TMEM132B: variants seen among roughly 807,000 people sequenced by gnomAD.
TMEM132B encodes the protein transmembrane protein 132B.
Under a neutral mutation model 90.8 loss-of-function variants are expected in TMEM132B, and 18 were observed. That is an observed-to-expected ratio of 0.20 (90% CI 0.14 to 0.29). The LOEUF is 0.29. Ranked by LOEUF, TMEM132B falls within the 10% of genes least tolerant of loss-of-function variation. TMEM132B has a pLI of 1.00. For missense variants in TMEM132B, 1,096 were observed against 1,326.8 expected (o/e 0.83, Z 2.70); for synonymous variants, 504 against 523.3 (o/e 0.96, Z 0.50).
intron 3 of TMEM132B, among the ~76,000 whole-genome samples, chr12:125,481,588 C>T (rs1344300341): frequency 6.6e-6 from 1 of 152,102 alleles, no homozygotes; most frequent in Non-Finnish European, 1.5e-5. Context: ...AACCACTGCT[C>T]AACGAAATAA....
rs1391541379 is a variant in TMEM132B at position 125,549,248 on chromosome 12, A to G, written c.1293+29623A>G. On this transcript the variant is annotated intron_variant, in intron 4 of 8. Transcript: ENST00000682704. ...ACAGCCACTAAGCATTTATCAGGTTAATCTCCTTTGTTAATGAAGAAGGCT... is the reference window on the plus strand; with the variant it reads ...ACAGCCACTAAGCATTTATCAGGTTGATCTCCTTTGTTAATGAAGAAGGCT... Among the ~76,000 whole-genome samples the G allele has an allele frequency of 2.0e-5, 3 of 152,162 alleles. No homozygotes were observed. In the South Asian group the frequency reaches 6.2e-4, roughly 32 times the overall value.
intron 1 of TMEM132B, chr12:125,301,660 C>G (rs547365800): frequency 6.7e-6 from 1 of 149,538 alleles, no homozygotes; most frequent in African/African-American, 2.5e-5. Flanking sequence ...AGGTGGATCA[C>G]GAGGTCAGGA....
At chr12:125,253,680 T>C (rs925034328) in intron 1 of TMEM132B, among the ~76,000 whole-genome samples, 1 of 152,152 alleles carries the variant, frequency 6.6e-6, no homozygotes, top group Non-Finnish European at 1.5e-5. Flanking sequence ...GTGGTTCTCC[T>C]GCCTCAGCCT....
chr12:125,563,809 A>G (rs530543179), intron 4 of TMEM132B, among the ~76,000 whole-genome samples: 3 of 152,314 alleles, frequency 2.0e-5, no homozygotes, highest in South Asian at 2.1e-4. Context: ...GAAGAAGGCC[A>G]TGTGAAGATG....
At chr12:125,249,159 AAGTGACAGCTCAGAGGCTTAAATTAGCTC>A (rs1162569336) in intron 1 of TMEM132B, among the ~76,000 whole-genome samples, 2 of 152,174 alleles carry the variant, frequency 1.3e-5, no homozygotes, top group African/African-American at 4.8e-5. Context: ...TCTTTCAGAC[AAGTGACAGCTCAGAGGCTTAAATTAGCTC>A]AGTGATTCTC....
intron 4 of TMEM132B, among the ~76,000 whole-genome samples, chr12:125,543,959 C>A (rs1884024532): frequency 6.6e-6 from 1 of 152,114 alleles, no homozygotes; most frequent in South Asian, 2.1e-4. Context: ...AAATGCCCAT[C>A]AATGATAGAC....
At chr12:125,243,148 T>C (rs1251936877) in intron 1 of TMEM132B, among the ~76,000 whole-genome samples, 1 of 131,746 alleles carries the variant, frequency 7.6e-6, no homozygotes, top group Non-Finnish European at 1.6e-5. Context: ...TATATATATA[T>C]ATAATTTTTT....
rs570536059 is a variant in TMEM132B, at chr12:125,644,994, G to A, written c.1643+713G>A. 2.2e-4 allele frequency among the ~76,000 whole-genome samples: 33 copies of A among 151,964 alleles called. No homozygotes were observed. The South Asian group carries it at 6.4e-3, about 30-fold the overall frequency. On this transcript the variant is annotated intron_variant, in intron 6 of 8. Coordinates refer to ENST00000682704, the MANE Select transcript of TMEM132B (RefSeq NM_001366854.1). ...GCACTTTGGGAGGCCAAGGCAGGCGGATCACGAGGTCTGGAGATCGACACC... is the reference window on the plus strand; with the variant it reads ...GCACTTTGGGAGGCCAAGGCAGGCGAATCACGAGGTCTGGAGATCGACACC...
intron 1 of TMEM132B, among the ~76,000 whole-genome samples, chr12:125,307,841 A>AAGT (rs1876027894): frequency 2.6e-5 from 1 of 38,488 alleles, no homozygotes; most frequent in Non-Finnish European, 5.3e-5. Flanking sequence ...TACTTATATT[A>AAGT]ATATATACTT....
chr12:125,617,525 A>G (rs1946205112), intron 5 of TMEM132B, among the ~76,000 whole-genome samples: 2 of 151,848 alleles, frequency 1.3e-5, no homozygotes, highest in African/African-American at 4.8e-5. Context: ...TTGTATTTTT[A>G]GTAGAGACGG....
chr12:125,413,143 G>A (rs1416530193), intron 2 of TMEM132B, among the ~76,000 whole-genome samples: 1 of 152,090 alleles, frequency 6.6e-6, no homozygotes, highest in Non-Finnish European at 1.5e-5. Context: ...TCCTTACGGT[G>A]GGTGGTAAAG....
intron 4 of TMEM132B, among the ~76,000 whole-genome samples, chr12:125,540,462 G>A (rs1194594149): frequency 1.3e-5 from 2 of 152,152 alleles, no homozygotes; most frequent in Admixed American, 6.5e-5. Flanking sequence ...AGTTCTATCA[G>A]ATTTTGCTCT....
intron 3 of TMEM132B, among the ~76,000 whole-genome samples, chr12:125,472,888 C>G (rs116498599): frequency 5.3e-4 from 80 of 152,270 alleles, no homozygotes; most frequent in African/African-American, 1.9e-3. Flanking sequence ...GTTGTAGTCA[C>G]GCAAACAAAG....
intron 4 of TMEM132B, among the ~76,000 whole-genome samples, chr12:125,532,518 A>ATT (rs35192475): frequency 1.9e-4 from 28 of 144,264 alleles, no homozygotes; most frequent in South Asian, 8.8e-4. Context: ...AGGAAGCTGT[A>ATT]TTTTTTTTTT....
At chr12:125,432,091 G>A (rs923552998) in intron 3 of TMEM132B, among the ~76,000 whole-genome samples, 4 of 151,934 alleles carry the variant, frequency 2.6e-5, no homozygotes, top group Admixed American at 2.6e-4. Flanking sequence ...CGGGGTGTTG[G>A]TGGGGTGTGA....
At position 125,277,654 on chromosome 12, in the gene TMEM132B, C is replaced by T. The variant is rs1565990408; in HGVS notation, c.68-71798C>T. Among the ~76,000 whole-genome samples, 1 of 152,092 alleles carries T rather than the reference C, an allele frequency of 6.6e-6. No individual in the cohort carries two copies. The highest frequency in any genetic ancestry group is 1.5e-5 in the Non-Finnish European group (1 of 68,018). On this transcript the variant is annotated intron_variant, in intron 1 of 8. Transcript: ENST00000682704. The surrounding 1 kb of genome is among the most constrained non-coding windows in gnomAD (Gnocchi z 4.3). Reference sequence around the variant, plus strand: ...CAAAGAGAAAGGCGTAGAACCTCTCCAGAGCCTTTGGAGGGAGCAGGGTCC... The same window carrying T: ...CAAAGAGAAAGGCGTAGAACCTCTCTAGAGCCTTTGGAGGGAGCAGGGTCC...
chr12:125,437,221 C>T (rs1159820056), intron 3 of TMEM132B, among the ~76,000 whole-genome samples: 1 of 152,170 alleles, frequency 6.6e-6, no homozygotes, highest in Non-Finnish European at 1.5e-5. Flanking sequence ...ATCCGCTTTC[C>T]CTGGCCTGCT....
rs1192824043 is a variant in TMEM132B, at chr12:125,480,803, CAA to C, written c.1107-38630_1107-38629del. 2.0e-5 allele frequency among the ~76,000 whole-genome samples: 3 copies of C among 151,956 alleles called. No homozygotes were observed. In the East Asian group the frequency reaches 5.8e-4, roughly 29 times the overall value. On this transcript the variant is annotated intron_variant, in intron 3 of 8. Coordinates refer to ENST00000682704, the MANE Select transcript of TMEM132B (RefSeq NM_001366854.1). ...ATACCAAAGCCTGGCAGATACACAA[CAA>C]AAAAAGAGAATTTTAGACCAATATC... is the stretch of plus-strand genomic sequence containing the variant.
intron 4 of TMEM132B, among the ~76,000 whole-genome samples, chr12:125,525,050 G>T (rs1208603462): frequency 6.6e-6 from 1 of 152,128 alleles, no homozygotes; most frequent in East Asian, 1.9e-4. Context: ...CAAGAGCATG[G>T]GCGCTTAGAG....
Sources: gnomAD v4.1 joint callset for allele counts (sites outside exome capture counted in the v4.1 genomes callset) on GRCh38, gnomAD v4.1.1 for gene constraint, Gnocchi (gnomAD v3.1) non-coding constraint, MANE v1.5 for transcripts, NCBI Gene and HGNC (gene_info 2026-07-23, HGNC 2026-07-21) for gene names.